The following CEP70 variants were observed in gnomAD, a reference collection of about 807,000 sequenced individuals.
The protein encoded by CEP70 is centrosomal protein of 70 kDa.
A neutral mutation model predicts 90.9 loss-of-function variants in CEP70; 70 were observed. The ratio of observed to expected loss-of-function variants is 0.77; its 90% CI spans 0.64 to 0.94. CEP70 has a LOEUF of 0.94. Ranked by LOEUF, CEP70 falls within the 40% of genes least tolerant of loss-of-function variation. The probability of loss-of-function intolerance (pLI) is 0.00; values close to 1 mark genes in which losing one functional copy is unlikely to be tolerated. For missense variants in CEP70, 648 were observed against 669.0 expected, an observed-to-expected ratio of 0.97 and a Z score of 0.35; for synonymous variants, 220 against 228.3, an observed-to-expected ratio of 0.96 and a Z score of 0.33.
intron 7 of CEP70, among the ~76,000 whole-genome samples, chr3:138,534,172 A>G (rs1196599017): frequency 6.6e-6 from 1 of 152,252 alleles, no homozygotes; most frequent in African/African-American, 2.4e-5. Context: ...TATTCTTTTT[A>G]AACGAACAAT....
intron 8 of CEP70, among the ~76,000 whole-genome samples, 198 bp from the exon 9 acceptor site, chr3:138,529,660 C>A (rs2037633202): frequency 6.6e-6 from 1 of 152,190 alleles, no homozygotes; most frequent in Non-Finnish European, 1.5e-5. Flanking sequence ...CATTTACTCT[C>A]TTTTTACTTA....
chr3:138,539,698 A>G (rs1014307706), intron 6 of CEP70, among the ~76,000 whole-genome samples: 2 of 152,200 alleles, frequency 1.3e-5, no homozygotes, highest in Admixed American at 6.5e-5. Context: ...TCTAAGAATC[A>G]TTGGCCTTCA....
intron 2 of CEP70, among the ~76,000 whole-genome samples, chr3:138,581,447 T>C (rs2108235761): frequency 6.6e-6 from 1 of 152,038 alleles, no homozygotes; most frequent in South Asian, 2.1e-4. Context: ...CTCATGCCTG[T>C]AATCTCAGCA....
intron 7 of CEP70, among the ~76,000 whole-genome samples, chr3:138,533,166 A>G (rs747385827): frequency 6.6e-5 from 10 of 152,096 alleles, no homozygotes; most frequent in Non-Finnish European, 1.3e-4. Context: ...CTGTAGTCCC[A>G]GCTACTCGGG....
chr3:138,525,886 T>G (rs1247867149), intron 10 of CEP70, among the ~76,000 whole-genome samples: 1 of 152,200 alleles, frequency 6.6e-6, no homozygotes, highest in Non-Finnish European at 1.5e-5. Context: ...TTTATCAAAT[T>G]TGAATATTAA....
chr3:138,589,337 T>A (rs66775405), intron 2 of CEP70, among the ~76,000 whole-genome samples: 10,889 of 152,074 alleles, frequency 0.072, 790 homozygotes, highest in East Asian at 0.38. Context: ...TATATTCTAA[T>A]ATTATTAGCA....
chr3:138,541,505 T>C (rs1249190539), intron 6 of CEP70, among the ~76,000 whole-genome samples: 1 of 151,892 alleles, frequency 6.6e-6, no homozygotes, highest in Non-Finnish European at 1.5e-5. Flanking sequence ...GATAAAGCCT[T>C]TACCAGGACA....
At position 138,500,387 on chromosome 3, in the gene CEP70, T is replaced by C. The variant is rs1240522436; in HGVS notation, c.1537+12A>G. The C allele has an allele frequency of 4.5e-6, 7 of 1,565,712 alleles. No individual in the cohort carries two copies. Among genetic ancestry groups the C allele is most frequent in the Non-Finnish European group, 6.0e-6 (7 of 1,162,156 alleles). On this transcript the variant is annotated intron_variant, in intron 15 of 17. Transcript: ENST00000264982. Reference sequence around the variant, plus strand: ...TTAAATGGGGGCCCAAAATGACAAATTAGGTCATCACCTAATTCTAAGAGT... The same window carrying C: ...TTAAATGGGGGCCCAAAATGACAAACTAGGTCATCACCTAATTCTAAGAGT...
chr3:138,521,627 G>T (rs2036648507), intron 11 of CEP70, among the ~76,000 whole-genome samples: 1 of 151,156 alleles, frequency 6.6e-6, no homozygotes, highest in African/African-American at 2.4e-5. Context: ...CATCTGGGAG[G>T]TGAGGAGTGC....
At chr3:138,539,433 A>G (rs1023189853) in intron 6 of CEP70, among the ~76,000 whole-genome samples, 3 of 152,186 alleles carry the variant, frequency 2.0e-5, no homozygotes, top group African/African-American at 7.2e-5. Flanking sequence ...TAACACAGGG[A>G]ATCAATTCAG....
intron 6 of CEP70, among the ~76,000 whole-genome samples, chr3:138,542,561 C>A (rs1033897067): frequency 1.3e-5 from 2 of 152,226 alleles, no homozygotes; most frequent in African/African-American, 4.8e-5. Context: ...CCTGGCCCCA[C>A]AGCTGCTTCC....
chr3:138,587,270 G>C (rs999142083), intron 2 of CEP70, among the ~76,000 whole-genome samples: 1 of 132,008 alleles, frequency 7.6e-6, no homozygotes, highest in Non-Finnish European at 1.6e-5. Context: ...GAGAAATAGA[G>C]ATTAAAAGGA....
intron 6 of CEP70, among the ~76,000 whole-genome samples, chr3:138,558,506 G>T (rs1021331179): frequency 4.6e-5 from 7 of 152,130 alleles, no homozygotes; most frequent in Non-Finnish European, 8.8e-5. Context: ...GCCTGCCAGG[G>T]ATATGAAACA....
At chr3:138,508,673 G>GCACA in intron 11 of CEP70, 129 bp from the exon 12 acceptor site, 1 of 661,738 alleles carries the variant, frequency 1.5e-6, no homozygotes, top group Non-Finnish European at 2.7e-6. Flanking sequence ...ATGTGTGTGT[G>GCACA]CACACATGTA....
At chr3:138,543,069 G>T (rs951572178) in intron 6 of CEP70, among the ~76,000 whole-genome samples, 11 of 152,290 alleles carry the variant, frequency 7.2e-5, no homozygotes, top group Non-Finnish European at 1.2e-4. Flanking sequence ...AGGCATGAAG[G>T]AAGTTCTCAC....
chr3:138,518,116 G>A (rs181254941), intron 11 of CEP70, among the ~76,000 whole-genome samples: 3 of 152,332 alleles, frequency 2.0e-5, no homozygotes, highest in Non-Finnish European at 4.4e-5. Context: ...AAACTGCAAG[G>A]CGGCAGCGAG....
In CEP70 at chr3:138,572,901, C is replaced by T; in HGVS notation, c.27G>A (p.Gln9=). The T allele has an allele frequency of 6.2e-7, 1 of 1,611,452 alleles. No homozygotes were observed. Among genetic ancestry groups the T allele is most frequent in the Non-Finnish European group, 8.5e-7 (1 of 1,178,314 alleles). MFPVAPKP[Q]DSSQPSDRLM... is the part of the protein sequence containing the mutation. The stretch of plus-strand genomic sequence containing the variant: ...GTCTGTCTGATGGTTGACTGGAATC[C>T]TGGGGTTTAGGGGCTACCGGAAACA... The change falls in exon 3 of 18, where the codon CAG becomes CAA. Residue 9 remains glutamine, a synonymous_variant. Coordinates refer to ENST00000264982, the MANE Select transcript of CEP70 (RefSeq NM_024491.4).
chr3:138,547,300 G>T (rs1369170755), intron 6 of CEP70, among the ~76,000 whole-genome samples: 1 of 152,220 alleles, frequency 6.6e-6, no homozygotes, highest in Non-Finnish European at 1.5e-5. Context: ...AGGATCCTCA[G>T]TGGATGCGCA....
chr3:138,511,566 A>G (rs3884240), intron 11 of CEP70, among the ~76,000 whole-genome samples: 83,712 of 152,126 alleles, frequency 0.55, 24,806 homozygotes, highest in African/African-American at 0.78. Flanking sequence ...CAACATTTTT[A>G]CTGTCAGTGC....
Sources: allele counts gnomAD v4.1 joint callset (sites outside exome capture counted in the v4.1 genomes callset), GRCh38; gene constraint gnomAD v4.1.1; transcripts MANE v1.5; gene names NCBI Gene and HGNC (gene_info 2026-07-23, HGNC 2026-07-21).